Variants in TGFBR3 observed in about 807,000 individuals in gnomAD.
The protein encoded by TGFBR3 is transforming growth factor beta receptor type 3.
In TGFBR3, 46 loss-of-function variants were observed where a neutral mutation model predicts 87.9. The ratio of observed to expected loss-of-function variants is 0.52; its 90% CI spans 0.41 to 0.67. The LOEUF is 0.67. Ranked by LOEUF, TGFBR3 falls within the 30% of genes least tolerant of loss-of-function variation. The pLI is 0.00. For missense variants in TGFBR3, 866 were observed against 1,041.9 expected (o/e 0.83, Z 2.32); for synonymous variants, 381 against 391.6 (o/e 0.97, Z 0.32).
chr1:91,876,264 G>A (rs1678804597), intron 1 of TGFBR3, among the ~76,000 whole-genome samples: 1 of 152,126 alleles, frequency 6.6e-6, no homozygotes, highest in East Asian at 1.9e-4. Context: ...ACACTCTGTG[G>A]AGGTGTAAGG....
intron 4 of TGFBR3, among the ~76,000 whole-genome samples, chr1:91,736,973 A>G (rs1672988002): frequency 1.3e-5 from 2 of 152,230 alleles, no homozygotes; most frequent in African/African-American, 4.8e-5. Context: ...AGCAAACAGC[A>G]CAAATACAGA....
At chr1:91,770,710 C>G (rs966861000) in intron 3 of TGFBR3, 1 of 152,194 alleles carries the variant, frequency 6.6e-6, no homozygotes, top group Non-Finnish European at 1.5e-5. Context: ...CTTCAGACCT[C>G]TGTTATGTTG....
intron 1 of TGFBR3, among the ~76,000 whole-genome samples, chr1:91,874,395 G>T (rs1415120179): frequency 2.0e-5 from 3 of 152,176 alleles, no homozygotes; most frequent in Admixed American, 6.5e-5. Context: ...GAGCACAAGA[G>T]GGAAGTCAAC....
intron 16 of TGFBR3, among the ~76,000 whole-genome samples, chr1:91,693,091 A>G (rs1671320635): frequency 6.6e-6 from 1 of 152,176 alleles, no homozygotes. Context: ...CTGCTAGCTG[A>G]CCCAGGTAAC....
intron 2 of TGFBR3, among the ~76,000 whole-genome samples, chr1:91,799,986 G>A (rs1202922241): frequency 6.6e-6 from 1 of 152,020 alleles, no homozygotes; most frequent in Non-Finnish European, 1.5e-5. Flanking sequence ...CTCTTTAAGG[G>A]CTAGAGCTCT....
chr1:91,861,246 A>C (rs1308343299), intron 2 of TGFBR3, among the ~76,000 whole-genome samples: 1 of 151,992 alleles, frequency 6.6e-6, no homozygotes, highest in East Asian at 1.9e-4. Flanking sequence ...ACAAAAAATA[A>C]AACATTAGCT....
chr1:91,893,764 C>A (rs1363953053), intron 2 of TGFBR3, among the ~76,000 whole-genome samples: 1 of 151,592 alleles, frequency 6.6e-6, no homozygotes, highest in Non-Finnish European at 1.5e-5. Flanking sequence ...GCTTATAGTC[C>A]ATGTTTTTCA....
At chr1:91,886,301 C>A, upstream of TGFBR3, 1 of 386,908 alleles carries the variant, frequency 2.6e-6, no homozygotes, top group Non-Finnish European at 5.2e-6. Context: ...AACTCCTCCT[C>A]CCGCCTCCCG....
intron 2 of TGFBR3, among the ~76,000 whole-genome samples, chr1:91,836,062 A>T (rs943768025): frequency 1.3e-5 from 2 of 151,694 alleles, no homozygotes; most frequent in African/African-American, 4.8e-5. Context: ...AGCCTGACTA[A>T]CTTGGAGAAA....
At position 91,841,520 on chromosome 1, in the gene TGFBR3, C is replaced by T. The variant is rs368784965; in HGVS notation, c.61+19951G>A. On this transcript the variant is annotated intron_variant, in intron 2 of 16. Transcript: ENST00000212355. Reference sequence around the variant, plus strand: ...ATTATTATAAAAATAGTTGGCCAGGCGCAGTGGCTTACACCTGTAATCCCA... The same window carrying T: ...ATTATTATAAAAATAGTTGGCCAGGTGCAGTGGCTTACACCTGTAATCCCA... 4.1e-4 allele frequency among the ~76,000 whole-genome samples: 62 copies of T among 152,198 alleles called. No homozygotes were observed. The South Asian group carries it at 0.013, about 32-fold the overall frequency.
intron 5 of TGFBR3, among the ~76,000 whole-genome samples, chr1:91,730,303 C>G (rs572920955): frequency 3.9e-5 from 6 of 152,294 alleles, no homozygotes; most frequent in Admixed American, 1.3e-4. Flanking sequence ...TGCTCAGAAT[C>G]TGTATAGACC....
intron 2 of TGFBR3, among the ~76,000 whole-genome samples, chr1:91,840,368 G>A (rs1456240076): frequency 6.6e-6 from 1 of 150,956 alleles, no homozygotes; most frequent in Non-Finnish European, 1.5e-5. Flanking sequence ...TCAAGATGTG[G>A]AATATTTTAC....
intron 1 of TGFBR3, among the ~76,000 whole-genome samples, chr1:91,876,196 C>T (rs1399863299): frequency 6.6e-6 from 1 of 152,024 alleles, no homozygotes; most frequent in Non-Finnish European, 1.5e-5. Context: ...ACACATTAGC[C>T]TCAGTGACAA....
chr1:91,841,012 T>C (rs1430683859), intron 2 of TGFBR3, among the ~76,000 whole-genome samples: 1 of 152,174 alleles, frequency 6.6e-6, no homozygotes, highest in African/African-American at 2.4e-5. Flanking sequence ...GGTTTCACCA[T>C]GTTGGCCAGG....
intron 2 of TGFBR3, among the ~76,000 whole-genome samples, chr1:91,825,748 A>C (rs527287789): frequency 6.6e-6 from 1 of 152,348 alleles, no homozygotes; most frequent in African/African-American, 2.4e-5. Context: ...TGGGAGGCCA[A>C]GGCGGGTGGA....
At chr1:91,761,727 C>T (rs1673972412) in intron 3 of TGFBR3, among the ~76,000 whole-genome samples, 1 of 151,788 alleles carries the variant, frequency 6.6e-6, no homozygotes, top group African/African-American at 2.4e-5. Context: ...CAAAGAATTC[C>T]TGGCTAAGTT....
intron 3 of TGFBR3, among the ~76,000 whole-genome samples, chr1:91,787,249 C>T (rs1265043397): frequency 6.6e-6 from 1 of 151,932 alleles, no homozygotes; most frequent in Non-Finnish European, 1.5e-5. Flanking sequence ...TGCAGTGAGC[C>T]GAGGTCACGC....
At position 91,682,248 on chromosome 1, in the gene TGFBR3, G is replaced by C; in HGVS notation, c.*1491C>G. On this transcript the variant is annotated 3_prime_UTR_variant, in exon 17 of 17. Coordinates refer to ENST00000212355, the MANE Select transcript of TGFBR3 (RefSeq NM_003243.5). ...GCATAACTTCCTTATTTTAAGGGCA[G>C]TGGGATTTGCTTATGAATATTTTGG... The C allele has an allele frequency of 2.2e-6, 1 of 454,046 alleles. No individual in the cohort carries two copies. The highest frequency in any genetic ancestry group is 4.4e-6 in the Non-Finnish European group (1 of 226,776). The allele number at this position is 454,046 out of a possible 1,614,324, so 28.1% of individuals were successfully genotyped here.
intron 2 of TGFBR3, among the ~76,000 whole-genome samples, chr1:91,850,080 C>CAAAAAAAAA (rs376631972): frequency 1.7e-4 from 9 of 52,146 alleles, no homozygotes; most frequent in South Asian, 8.6e-4. Flanking sequence ...GACTCCATCT[C>CAAAAAAAAA]AAAAAAAAAA....
Sources: allele counts gnomAD v4.1 joint callset (sites outside exome capture counted in the v4.1 genomes callset), GRCh38; gene constraint gnomAD v4.1.1; transcripts MANE v1.5; gene names NCBI Gene and HGNC (gene_info 2026-07-23, HGNC 2026-07-21).